Variants in KLF2 observed in about 807,000 individuals in gnomAD.
KLF2 encodes KLF transcription factor 2.
KLF2 carries 9 observed loss-of-function variants against 22.2 expected under a neutral mutation model. That is an observed-to-expected ratio of 0.40 (90% CI 0.24 to 0.71). The LOEUF is 0.71. Ranked by LOEUF, KLF2 falls within the 30% of genes least tolerant of loss-of-function variation. KLF2 has a pLI of 0.35. For synonymous variants in KLF2, 299 were observed against 264.2 expected (o/e 1.13, Z -1.28); for missense variants, 481 against 542.1 (o/e 0.89, Z 1.12).
Position 16,324,884 on chromosome 19 carries a change from C to G in KLF2, c.-40C>G, listed in dbSNP as rs1385106655. On this transcript the variant is annotated 5_prime_UTR_variant, in exon 1 of 3. Coordinates refer to ENST00000248071, the MANE Select transcript of KLF2 (RefSeq NM_016270.4). The stretch of plus-strand genomic sequence containing the variant: ...AGCCCGGCCTCGGGCAGCCACTCAC[C>G]GGTGTCCCCGTCCGCGTCCTTTCTC... 6.5e-7 allele frequency: 1 copy of G among 1,549,122 alleles called. No individual in the cohort carries two copies. The highest frequency in any genetic ancestry group is 1.2e-5 in the South Asian group (1 of 86,318).
At chr19:16,326,716 C>A (rs1030686757) in intron 2 of KLF2, 140 bp from the exon 3 acceptor site, 2 of 825,526 alleles carry the variant, frequency 2.4e-6, no homozygotes, top group Non-Finnish European at 3.7e-6. Flanking sequence ...GGATGTAGGG[C>A]AAGGATCCCT....
Position 16,325,673 on chromosome 19 carries a change from C to G in KLF2, c.533C>G (p.Pro178Arg). Residue 178 changes from proline (P) to arginine (R), a missense_variant, in exon 2 of 3, where the codon CCC becomes CGC. By Grantham distance (103) the Pro-to-Arg change is moderately radical. This residue lies in a region of KLF2 where 421 missense variants were observed against 435.1 expected (regional missense o/e 0.97). Transcript: ENST00000248071. ...CCGCCCGACACACCGCCGCTCAGCC[C>G]CGACGGCCCCGCGCGCCTGCCCGCG... Reference protein sequence around the residue: ...PPPPDTPPLSPDGPARLPAPG... With the variant: ...PPPPDTPPLSRDGPARLPAPG... The G allele has an allele frequency of 9.2e-7, 1 of 1,088,394 alleles. No individual in the cohort carries two copies. Among genetic ancestry groups the G allele is most frequent in the Non-Finnish European group, 1.1e-6 (1 of 901,180 alleles). 67.4% of individuals were successfully genotyped at this position (1,088,394 alleles called of 1,614,324 possible).
chr19:16,327,194 A>AC lies in KLF2; in HGVS notation c.*167dup. On this transcript the variant is annotated 3_prime_UTR_variant, in exon 3 of 3. Transcript: ENST00000248071. ...CGATGACGACGACGACGACGCCACC[A>AC]CCCCAGCCCCCGTCTGTGACTGAAG... The AC allele has an allele frequency of 1.6e-6, 1 of 617,542 alleles. No homozygotes were observed. The highest frequency in any genetic ancestry group is 2.2e-5 in the South Asian group (1 of 45,390). 38.3% of individuals were successfully genotyped at this position (617,542 alleles called of 1,614,324 possible).
Position 16,327,830 on chromosome 19 carries a change from C to G in KLF2, c.*799C>G, listed in dbSNP as rs922957281. 1.6e-4 allele frequency: 25 copies of G among 151,878 alleles called. No homozygotes were observed. The highest frequency in any genetic ancestry group is 6.0e-4 in the African/African-American group (25 of 41,336). 9.4% of individuals were successfully genotyped at this position (151,878 alleles called of 1,614,324 possible). ...AAAGTGCTGGTCCCACTGACGTGGC[C>G]TCCTCTACGTTGAAAAAAATAAAAC... On this transcript the variant is annotated 3_prime_UTR_variant, in exon 3 of 3. Transcript: ENST00000248071.
At chr19:16,325,089 G>A (rs943664862) in intron 1 of KLF2, 91 bp downstream of exon 1, 26 of 1,353,880 alleles carry the variant, frequency 1.9e-5, no homozygotes, top group Non-Finnish European at 2.6e-5. Flanking sequence ...AGGACGCGAA[G>A]GCGGGGACTG....
At position 16,327,071 on chromosome 19, in the gene KLF2, TCCCACGCGCCGGGCGCGGCC is replaced by T; in HGVS notation, c.*44_*63del. 6.7e-7 allele frequency: 1 copy of T among 1,499,934 alleles called. No individual in the cohort carries two copies. Among genetic ancestry groups the T allele is most frequent in the Non-Finnish European group, 8.9e-7 (1 of 1,121,560 alleles). 92.9% of individuals were successfully genotyped at this position (1,499,934 alleles called of 1,614,324 possible). ...CCCACCTGCGCGCGGCCGTGGCGGG[TCCCACGCGCCGGGCGCGGCC>T]CCCTCCCAAACTGTGACTGGTATTT... On this transcript the variant is annotated 3_prime_UTR_variant, in exon 3 of 3. Transcript: ENST00000248071.
Position 16,325,328 on chromosome 19 carries a change from AGCCGCC to A in KLF2, c.198_203del (p.Pro70_Pro71del). On this transcript the variant is annotated inframe_deletion, in exon 2 of 3. Transcript: ENST00000248071. ...GGCCTGGGCGCCGAGGCCGCCCCGG[AGCCGCC>A]GCCGCCGCCCCCGCCGCCTGCGTTC... 6.8e-7 allele frequency: 1 copy of A among 1,475,246 alleles called. No individual in the cohort carries two copies. The highest frequency in any genetic ancestry group is 2.6e-5 in the Admixed American group (1 of 39,092). 91.4% of individuals were successfully genotyped at this position (1,475,246 alleles called of 1,614,324 possible). A position where few individuals can be genotyped will look rare whatever the true frequency, so the allele number is the denominator to read the frequency against.
In KLF2 at chr19:16,326,967, A is replaced by T. The variant is rs1163887562; in HGVS notation, c.1004A>T (p.His335Leu). Residue 335 changes from histidine (H) to leucine (L), a missense_variant, in exon 3 of 3, where the codon CAT (histidine) becomes CTT (leucine). By Grantham distance (99) the His-to-Leu change is moderately conservative. Coordinates refer to ENST00000248071, the MANE Select transcript of KLF2 (RefSeq NM_016270.4). ...ACGGGCCACCGGCCATTCCAGTGCC[A>T]TCTGTGCGATCGTGCCTTCTCGCGC... ...KHTGHRPFQC[H>L]LCDRAFSRSD... is the part of the protein sequence containing the mutation. 2 of 1,613,486 alleles carry T rather than the reference A, an allele frequency of 1.2e-6. No homozygotes were observed. Among genetic ancestry groups the T allele is most frequent in the East Asian group, 4.5e-5 (2 of 44,882 alleles).
Position 16,327,172 on chromosome 19 carries a change from TGAC to T in KLF2, c.*155_*157del, listed in dbSNP as rs769364180. ...CGTGGCTACAGAGGGTCTCCCTCGA[TGAC>T]GACGACGACGACGCCACCACCCCAG... On this transcript the variant is annotated 3_prime_UTR_variant, in exon 3 of 3. Coordinates refer to ENST00000248071, the MANE Select transcript of KLF2 (RefSeq NM_016270.4). The T allele has an allele frequency of 1.6e-4, 130 of 799,236 alleles. No individual in the cohort carries two copies. Among genetic ancestry groups the T allele is most frequent in the Middle Eastern group, 3.9e-4 (1 of 2,572 alleles). 49.5% of individuals were successfully genotyped at this position (799,236 alleles called of 1,614,324 possible).
In KLF2 at chr19:16,328,352, C is replaced by A. The variant is rs757953141; in HGVS notation, c.*1321C>A. 6.6e-6 allele frequency among the ~76,000 whole-genome samples: 1 copy of A among 152,100 alleles called. No homozygotes were observed. Among genetic ancestry groups the A allele is most frequent in the Non-Finnish European group, 1.5e-5 (1 of 68,020 alleles). On this transcript the variant is annotated 3_prime_UTR_variant, in exon 3 of 3. Transcript: ENST00000248071. ...CAGAGGAGACCCCTAAATCCCACCA[C>A]CCCAAGTGTCTCAGGCAAGGAGGTA...
intron 2 of KLF2, among the ~76,000 whole-genome samples, chr19:16,326,430 T>G (rs1379941079): frequency 1.3e-5 from 2 of 151,794 alleles, no homozygotes; most frequent in African/African-American, 2.4e-5. Flanking sequence ...GCTCAGGTAG[T>G]TGGGGAGTAG....
chr19:16,325,121 C>A, intron 1 of KLF2, 95 bp from the exon 2 acceptor site: 1 of 1,296,174 alleles, frequency 7.7e-7, no homozygotes, highest in Non-Finnish European at 1.0e-6. Flanking sequence ...GAGGAGGATG[C>A]GGGCCACGGG....
intron 2 of KLF2, 32 bp downstream of exon 2, chr19:16,326,064 C>CG (rs988375290): frequency 1.2e-5 from 18 of 1,521,788 alleles, no homozygotes; most frequent in East Asian, 2.6e-5. Context: ...GGAGCGCAGG[C>CG]GGGGGGACGC....
chr19:16,326,863 G>A lies in KLF2; in HGVS notation c.900G>A (p.Lys300=). ...KAHLRTHTGE[K]PYHCNWDGCG... ...CTCGCCCCCTCCCTGCAGGTGAGAA[G>A]CCCTACCACTGCAACTGGGACGGCT... The change falls in exon 3 of 3, where the codon AAG becomes AAA. Residue 300 remains lysine (K), a synonymous_variant. Transcript: ENST00000248071. The A allele has an allele frequency of 6.2e-7, 1 of 1,610,618 alleles. No individual in the cohort carries two copies. Among genetic ancestry groups the A allele is most frequent in the South Asian group, 1.1e-5 (1 of 91,068 alleles).
intron 1 of KLF2, 40 bp downstream of exon 1, chr19:16,325,038 G>A: frequency 6.6e-7 from 1 of 1,518,206 alleles, no homozygotes; most frequent in Non-Finnish European, 8.9e-7. Flanking sequence ...GGGACCGTGG[G>A]CGGCGGGCTC....
At chr19:16,326,273 C>G (rs1430690494) in intron 2 of KLF2, among the ~76,000 whole-genome samples, 1 of 145,384 alleles carries the variant, frequency 6.9e-6, no homozygotes, top group Non-Finnish European at 1.5e-5. Flanking sequence ...GGCTTGCACG[C>G]TTAGGACGAG....
chr19:16,324,858 C>T lies in KLF2; in HGVS notation c.-66C>T, dbSNP rs916447827. 4 of 1,395,704 alleles carry T rather than the reference C, an allele frequency of 2.9e-6. No individual in the cohort carries two copies. The African/African-American group carries it at 4.5e-5, about 16-fold the overall frequency. The allele number at this position is 1,395,704 out of a possible 1,614,324, so 86.5% of individuals were successfully genotyped here. A position where few individuals can be genotyped will look rare whatever the true frequency, so the allele number is the denominator to read the frequency against. On this transcript the variant is annotated 5_prime_UTR_variant, in exon 1 of 3. Coordinates refer to ENST00000248071, the MANE Select transcript of KLF2 (RefSeq NM_016270.4). ...CGTCCCCGCCCGCCCGCGCCCCGAC[C>T]AGCCCGGCCTCGGGCAGCCACTCAC...
chr19:16,324,950 G>A lies in KLF2; in HGVS notation c.27G>A (p.Pro9=), dbSNP rs752854400. MALSEPIL[P]SFSTFASPCR... is the part of the protein sequence containing the mutation. ...TGGCGCTGAGTGAACCCATCCTGCC[G>A]TCCTTCTCCACTTTCGCCAGCCCGT... Residue 9 remains proline, a synonymous_variant, in exon 1 of 3, where the codon CCG becomes CCA. Coordinates refer to ENST00000248071, the MANE Select transcript of KLF2 (RefSeq NM_016270.4). The A allele has an allele frequency of 3.7e-6, 6 of 1,603,096 alleles. No homozygotes were observed. In the South Asian group the frequency reaches 4.4e-5, roughly 12 times the overall value.
In KLF2 at chr19:16,326,845, C is replaced by T; in HGVS notation, c.893-11C>T. ...GGGGAACTGACGCTTACTCTCGCCC[C>T]CTCCCTGCAGGTGAGAAGCCCTACC... On this transcript the variant is annotated splice_polypyrimidine_tract_variant and intron_variant, in intron 2 of 2. Coordinates refer to ENST00000248071, the MANE Select transcript of KLF2 (RefSeq NM_016270.4). The T allele has an allele frequency of 6.2e-7, 1 of 1,604,448 alleles. No homozygotes were observed. The highest frequency in any genetic ancestry group is 8.5e-7 in the Non-Finnish European group (1 of 1,175,786).
Sources: gnomAD v4.1 joint callset for allele counts (sites outside exome capture counted in the v4.1 genomes callset) on GRCh38, gnomAD v4.1.1 for gene constraint, gnomAD v4.1.1 regional missense constraint, MANE v1.5 for transcripts, NCBI Gene and HGNC (gene_info 2026-07-23, HGNC 2026-07-21) for gene names.